MLPH: variants seen among roughly 807,000 people sequenced by gnomAD.
MLPH encodes melanophilin, also known as exophilin-3.
A neutral mutation model predicts 72.1 loss-of-function variants in MLPH; 51 were observed. The ratio of observed to expected loss-of-function variants is 0.71; its 90% CI spans 0.56 to 0.89. MLPH has a LOEUF of 0.89. Ranked by LOEUF, MLPH falls within the 40% of genes least tolerant of loss-of-function variation. The probability of loss-of-function intolerance (pLI) is 0.00; values close to 1 mark genes in which losing one functional copy is unlikely to be tolerated. For synonymous variants in MLPH, 301 were observed against 310.1 expected, an observed-to-expected ratio of 0.97 and a Z score of 0.31; for missense variants, 743 against 759.9, an observed-to-expected ratio of 0.98 and a Z score of 0.26.
Position 237,515,093 on chromosome 2 carries a change from C to T in MLPH, c.446-3446C>T, listed in dbSNP as rs147764053. 2.3e-3 allele frequency among the ~76,000 whole-genome samples: 356 copies of T among 152,248 alleles called. 1 individual carries two copies. Among genetic ancestry groups the T allele is most frequent in the African/African-American group, 8.0e-3 (331 of 41,534 alleles). On this transcript the variant is annotated intron_variant, in intron 4 of 15. Transcript: ENST00000264605. Reference sequence around the variant, plus strand: ...AACTGTACAATGAGACTTAATTTTCCAACCCATGTAAAAGATCACTGCTGG... The same window carrying T: ...AACTGTACAATGAGACTTAATTTTCTAACCCATGTAAAAGATCACTGCTGG...
chr2:237,539,010 T>C (rs529571589), intron 9 of MLPH, among the ~76,000 whole-genome samples: 1 of 152,204 alleles, frequency 6.6e-6, no homozygotes, highest in African/African-American at 2.4e-5. Flanking sequence ...AGGGAGCCGC[T>C]GCAGGAGACA....
Position 237,553,836 on chromosome 2 carries a change from G to A in MLPH, c.*244G>A. The A allele has an allele frequency of 2.9e-6, 2 of 685,826 alleles. No homozygotes were observed. The allele number at this position is 685,826 out of a possible 1,614,324, so 42.5% of individuals were successfully genotyped here. ...CATCCTCTCTGATCTGTGAGAAACA[G>A]CTAAGCTGCTGTGACTTCCCTTTAG... On this transcript the variant is annotated 3_prime_UTR_variant, in exon 16 of 16. Transcript: ENST00000264605.
Position 237,525,312 on chromosome 2 carries a change from T to C in MLPH, c.676-289T>C, listed in dbSNP as rs6705903. On this transcript the variant is annotated intron_variant, in intron 6 of 15. Coordinates refer to ENST00000264605, the MANE Select transcript of MLPH (RefSeq NM_024101.7). ...AGCCCCTGAGGCTGTGTCAGGAGAG[T>C]TTTGATCCCTTTGTGTCATGCCTGG... is the stretch of plus-strand genomic sequence containing the variant. 0.13 allele frequency among the ~76,000 whole-genome samples: 19,634 copies of C among 152,030 alleles called. 2,963 individuals are homozygous for C. Among genetic ancestry groups the C allele is most frequent in the African/African-American group, 0.37 (15,373 of 41,444 alleles).
intron 12 of MLPH, among the ~76,000 whole-genome samples, chr2:237,545,219 GGAC>G (rs1298085141): frequency 8.3e-5 from 12 of 144,842 alleles, no homozygotes; most frequent in African/African-American, 3.0e-4. Context: ...TGGTGAGTGG[GGAC>G]AGTGGTGAGT....
intron 4 of MLPH, among the ~76,000 whole-genome samples, chr2:237,516,914 AGGATGGATGGAT>A (rs1157566183): frequency 8.4e-6 from 1 of 119,232 alleles, no homozygotes; most frequent in Non-Finnish European, 1.7e-5. Context: ...GATGGATGGT[AGGATGGATGGAT>A]GGATGGATGG....
At chr2:237,550,910 G>A (rs755347506) in intron 14 of MLPH, among the ~76,000 whole-genome samples, 10 of 152,282 alleles carry the variant, frequency 6.6e-5, no homozygotes, top group Admixed American at 2.0e-4. Flanking sequence ...TGTATGACTG[G>A]TTTTGTGAAG....
rs1426946960 is a variant in MLPH, at chr2:237,554,829, T to A, written c.*1237T>A. ...AAACTAAGGTTTGAATCTCAAAGTG[T>A]TGCTGGGAGGCTGATACTCCTGCAA... On this transcript the variant is annotated 3_prime_UTR_variant, in exon 16 of 16. Coordinates refer to ENST00000264605, the MANE Select transcript of MLPH (RefSeq NM_024101.7). 6.6e-6 allele frequency: 1 copy of A among 152,212 alleles called. No individual in the cohort carries two copies. Among genetic ancestry groups the A allele is most frequent in the African/African-American group, 2.4e-5 (1 of 41,440 alleles). 9.4% of individuals were successfully genotyped at this position (152,212 alleles called of 1,614,324 possible). A position where few individuals can be genotyped will look rare whatever the true frequency, so the allele number is the denominator to read the frequency against.
At chr2:237,540,295 T>C in intron 9 of MLPH, 53 bp from the exon 10 acceptor site, 1 of 1,593,220 alleles carries the variant, frequency 6.3e-7, no homozygotes, top group Non-Finnish European at 8.6e-7. Flanking sequence ...GCCCTGGAGC[T>C]CCATGGCTCC....
At chr2:237,540,992 A>G (rs1349162455) in intron 11 of MLPH, 35 bp downstream of exon 11, 1 of 1,578,554 alleles carries the variant, frequency 6.3e-7, no homozygotes, top group East Asian at 2.3e-5. Context: ...ACTGAGTTCC[A>G]CAAACACAGA....
At position 237,527,314 on chromosome 2, in the gene MLPH, A is replaced by G. The variant is rs747233139; in HGVS notation, c.881-63A>G. ...GAGCCTCATTTTTCTTCATTGGACT[A>G]AACACGTCCATCAGCTTTCAGGTTT... On this transcript the variant is annotated intron_variant, in intron 7 of 15. Coordinates refer to ENST00000264605, the MANE Select transcript of MLPH (RefSeq NM_024101.7). The G allele has an allele frequency of 9.9e-5, 159 of 1,600,920 alleles. 1 individual carries two copies. The South Asian group carries it at 1.7e-3, about 17-fold the overall frequency.
chr2:237,553,038 C>T (rs1553603763), intron 15 of MLPH: 2 of 460,552 alleles, frequency 4.3e-6, no homozygotes, highest in Non-Finnish European at 4.6e-6. Context: ...ACAGCATTTT[C>T]TGGAGTTTAA....
chr2:237,545,996 G>C (rs558982652), intron 12 of MLPH, among the ~76,000 whole-genome samples: 1 of 152,184 alleles, frequency 6.6e-6, no homozygotes, highest in Non-Finnish European at 1.5e-5. Context: ...TGTGCCCGAG[G>C]TGGTTAGGGG....
At chr2:237,517,695 GGA>G (rs2080074572) in intron 4 of MLPH, among the ~76,000 whole-genome samples, 1 of 135,210 alleles carries the variant, frequency 7.4e-6, no homozygotes, top group African/African-American at 2.7e-5. Context: ...GTGGATGGAT[GGA>G]TGGATGGATG....
In MLPH at chr2:237,552,346, A is replaced by G; in HGVS notation, c.1685A>G (p.Asp562Gly). The change falls in exon 15 of 16, where the codon GAT (aspartate) becomes GGT (glycine). Residue 562 changes from aspartate to glycine, a missense_variant. Asp to Gly is a moderately conservative substitution (Grantham distance 94, BLOSUM62 -1). Transcript: ENST00000264605. ...SNSLKSQGKDDDSFDRKSVYR... is the reference protein window; with the variant it reads ...SNSLKSQGKDGDSFDRKSVYR... ...CCTGTTTTCCCCAAAGGTAAAGATG[A>G]TGATTCTTTTGATCGGAAATCAGTG... The G allele has an allele frequency of 3.1e-6, 5 of 1,614,100 alleles. No homozygotes were observed. The Admixed American group carries it at 5.0e-5, about 16-fold the overall frequency.
chr2:237,518,215 G>A (rs962603974), intron 4 of MLPH: 3 of 436,830 alleles, frequency 6.9e-6, no homozygotes, highest in Non-Finnish European at 8.7e-6. Context: ...TAGATGGGTG[G>A]AGGATAGATA....
intron 4 of MLPH, among the ~76,000 whole-genome samples, chr2:237,513,771 C>G (rs1166991469): frequency 6.6e-6 from 1 of 152,068 alleles, no homozygotes; most frequent in Non-Finnish European, 1.5e-5. Flanking sequence ...TCCCTGGGTG[C>G]AGGGGGAGTT....
chr2:237,496,225 C>T (rs376985712), intron 2 of MLPH, among the ~76,000 whole-genome samples: 14 of 152,054 alleles, frequency 9.2e-5, no homozygotes, highest in African/African-American at 2.4e-4. Flanking sequence ...TGAGTATAGG[C>T]GAATGCAGAG....
In MLPH at chr2:237,534,597, G is replaced by T. The variant is rs773488671; in HGVS notation, c.1054G>T (p.Glu352Ter). Residue 352 changes from glutamate to a stop codon, truncating the protein, a stop_gained, in exon 9 of 16, where the codon GAA becomes TAA. Coordinates refer to ENST00000264605, the MANE Select transcript of MLPH (RefSeq NM_024101.7). LOFTEE classifies it high-confidence loss of function. ...FELNKHISAV[E>*]CLLTYLENTV... ...GCTGAATAAGCATATTTCAGCTGTG[G>T]AATGCCTGCTGACCTACCTGGAGAA... The T allele has an allele frequency of 1.1e-5, 17 of 1,613,782 alleles. No homozygotes were observed. The highest frequency in any genetic ancestry group is 1.4e-5 in the Non-Finnish European group (17 of 1,179,896).
intron 2 of MLPH, among the ~76,000 whole-genome samples, chr2:237,503,288 A>G (rs1003234655): frequency 5.3e-5 from 8 of 152,074 alleles, no homozygotes; most frequent in Admixed American, 3.9e-4. Flanking sequence ...GGAGGGGAAC[A>G]TTGGTCTGAG....
Sources: gnomAD v4.1 joint callset for allele counts (sites outside exome capture counted in the v4.1 genomes callset) on GRCh38, gnomAD v4.1.1 for gene constraint, MANE v1.5 for transcripts, NCBI Gene and HGNC (gene_info 2026-07-23, HGNC 2026-07-21) for gene names.